The following IPO7 variants were observed in gnomAD, a reference collection of about 807,000 sequenced individuals.
The protein encoded by IPO7 is importin-7.
Under a neutral mutation model 136.4 loss-of-function variants are expected in IPO7, and 13 were observed. The observed-to-expected ratio is 0.10, with a 90% CI of 0.06 to 0.15. IPO7 has a LOEUF of 0.15. Among genes scored for constraint, IPO7 ranks in the 10% least tolerant of loss-of-function variants. The probability of loss-of-function intolerance (pLI) is 1.00; values close to 1 mark genes in which losing one functional copy is unlikely to be tolerated. For synonymous variants in IPO7, 403 were observed against 404.4 expected (o/e 1.00, Z 0.04); for missense variants, 857 against 1,240.6 (o/e 0.69, Z 4.65).
intron 8 of IPO7, among the ~76,000 whole-genome samples, chr11:9,421,764 G>A (rs1246305351): frequency 6.6e-6 from 1 of 151,428 alleles, no homozygotes; most frequent in Non-Finnish European, 1.5e-5. Flanking sequence ...CTAACACAGT[G>A]AAACCCCATT....
intron 8 of IPO7, among the ~76,000 whole-genome samples, chr11:9,422,323 CTT>C: frequency 6.6e-6 from 1 of 151,406 alleles, no homozygotes; most frequent in Middle Eastern, 3.2e-3. Context: ...ATATCATACT[CTT>C]GATTCAAATA....
intron 8 of IPO7, among the ~76,000 whole-genome samples, chr11:9,421,871 G>C (rs1003545886): frequency 7.2e-5 from 11 of 152,026 alleles, no homozygotes; most frequent in African/African-American, 1.9e-4. Flanking sequence ...GTGAACCTGG[G>C]GGGTGCAGCT....
At chr11:9,395,662 G>T (rs146367103) in intron 1 of IPO7, among the ~76,000 whole-genome samples, 1 of 151,684 alleles carries the variant, frequency 6.6e-6, no homozygotes, top group African/African-American at 2.4e-5. Context: ...CTATATCCCC[G>T]CTAACAGAAA....
intron 2 of IPO7, among the ~76,000 whole-genome samples, chr11:9,407,219 A>G (rs185646203): frequency 1.3e-3 from 201 of 152,348 alleles, no homozygotes; most frequent in Middle Eastern, 3.4e-3. Context: ...ATTCTGTAGT[A>G]GTAATAACCT....
At chr11:9,388,855 C>A (rs1271908208) in intron 1 of IPO7, among the ~76,000 whole-genome samples, 1 of 152,126 alleles carries the variant, frequency 6.6e-6, no homozygotes, top group African/African-American at 2.4e-5. Context: ...ACACGTGCTA[C>A]CACGCCTGGC....
chr11:9,388,569 C>T (rs1161241496), intron 1 of IPO7, among the ~76,000 whole-genome samples: 1 of 152,126 alleles, frequency 6.6e-6, no homozygotes, highest in Admixed American at 6.6e-5. Context: ...GCCTCTCCCT[C>T]TCGGGCTCAA....
chr11:9,431,541 ATTGTTT>A (rs1054455431), intron 16 of IPO7, among the ~76,000 whole-genome samples: 15 of 152,020 alleles, frequency 9.9e-5, no homozygotes, highest in African/African-American at 3.4e-4. Context: ...TGACCCTGAA[ATTGTTT>A]TTCTTAACAT....
At chr11:9,388,850 T>C (rs1016707419) in intron 1 of IPO7, among the ~76,000 whole-genome samples, 4 of 152,170 alleles carry the variant, frequency 2.6e-5, no homozygotes, top group Non-Finnish European at 4.4e-5. Context: ...TGCAGACACG[T>C]GCTACCACGC....
intron 16 of IPO7, 59 bp downstream of exon 16, chr11:9,431,062 C>T (rs1855286874): frequency 1.5e-6 from 2 of 1,376,012 alleles, no homozygotes; most frequent in East Asian, 4.6e-5. Flanking sequence ...TTAGAGGGCT[C>T]TAATATCTCT....
At chr11:9,406,255 A>T (rs1197396780) in intron 2 of IPO7, among the ~76,000 whole-genome samples, 1 of 151,452 alleles carries the variant, frequency 6.6e-6, no homozygotes, top group Non-Finnish European at 1.5e-5. Context: ...CTCTCGCCTC[A>T]GCCTTCCAAA....
chr11:9,407,011 T>C (rs1245173794), intron 2 of IPO7, among the ~76,000 whole-genome samples: 2 of 152,266 alleles, frequency 1.3e-5, no homozygotes, highest in African/African-American at 4.8e-5. Context: ...TAGAGTAGAC[T>C]GAATCATGAG....
chr11:9,426,359 C>G (rs779914860), intron 12 of IPO7, among the ~76,000 whole-genome samples: 1 of 152,160 alleles, frequency 6.6e-6, no homozygotes, highest in Non-Finnish European at 1.5e-5. Flanking sequence ...AGTACTTTTT[C>G]CTTTTTGTTG....
At chr11:9,443,670 A>C (rs1160467653) in intron 24 of IPO7, among the ~76,000 whole-genome samples, 1 of 151,706 alleles carries the variant, frequency 6.6e-6, no homozygotes. Flanking sequence ...TGGGAGGCCA[A>C]GACAGGAGGG....
chr11:9,390,133 C>T (rs538646868), intron 1 of IPO7, among the ~76,000 whole-genome samples: 5 of 152,222 alleles, frequency 3.3e-5, no homozygotes, highest in East Asian at 1.9e-4. Context: ...TCAGGTGATC[C>T]GTCCGTCTTG....
intron 16 of IPO7, among the ~76,000 whole-genome samples, chr11:9,432,065 C>G (rs1855302025): frequency 6.6e-6 from 1 of 152,148 alleles, no homozygotes; most frequent in African/African-American, 2.4e-5. Context: ...TCCCTACTTC[C>G]TTTCTTCCCA....
intron 16 of IPO7, among the ~76,000 whole-genome samples, chr11:9,432,410 C>A (rs10840238): frequency 0.42 from 64,212 of 151,790 alleles, 14,254 homozygotes; most frequent in Non-Finnish European, 0.5. Context: ...CCATGTTGGC[C>A]GGCAGGTCTG....
chr11:9,419,421 GCC>G (rs1263257214), intron 6 of IPO7, among the ~76,000 whole-genome samples: 1 of 150,232 alleles, frequency 6.7e-6, no homozygotes, highest in Non-Finnish European at 1.5e-5. Context: ...GGTGGTGCAA[GCC>G]TGTAGTCCCA....
At chr11:9,418,556 A>C (rs11042341) in intron 6 of IPO7, among the ~76,000 whole-genome samples, 2,215 of 152,296 alleles carry the variant, frequency 0.015, 51 homozygotes, top group African/African-American at 0.05. Flanking sequence ...TTGTTTCAAA[A>C]AGGTTTATGA....
At chr11:9,421,806 T>G (rs1246100553) in intron 8 of IPO7, among the ~76,000 whole-genome samples, 1 of 150,548 alleles carries the variant, frequency 6.6e-6, no homozygotes, top group Non-Finnish European at 1.5e-5. Flanking sequence ...TAGCCGGGCG[T>G]GGTGGCGGGC....
Sources: allele counts gnomAD v4.1 joint callset (sites outside exome capture counted in the v4.1 genomes callset), GRCh38; gene constraint gnomAD v4.1.1; transcripts MANE v1.5; gene names NCBI Gene and HGNC (gene_info 2026-07-23, HGNC 2026-07-21).